PIR: variants seen among roughly 807,000 people sequenced by gnomAD.
The protein encoded by PIR is pirin, also known as pirin (iron-binding nuclear protein).
Under a neutral mutation model 24.2 loss-of-function variants are expected in PIR, and 22 were observed. The observed-to-expected ratio is 0.91, with a 90% CI of 0.65 to 1.30. The LOEUF (loss-of-function observed/expected upper bound fraction) is 1.30. PIR is among the 50% of genes most tolerant of loss of function. The pLI is 0.00. For synonymous variants in PIR, 80 were observed against 79.6 expected (o/e 1.00, Z -0.03); for missense variants, 220 against 220.3 (o/e 1.00, Z 0.01).
intron 6 of PIR, among the ~76,000 whole-genome samples, chrX:15,424,505 T>C (rs1396297087): frequency 8.9e-6 from 1 of 112,105 alleles, no homozygotes; most frequent in East Asian, 2.8e-4. Context: ...GGACGACTAT[T>C]GTTTACAACA....
At position 15,419,589 on chromosome X, in the gene PIR, T is replaced by C. The variant is rs905320037; in HGVS notation, c.565+6317A>G. ...TGTGCAATTCTAAGCTATTTCCTGT[T>C]GTATCCCTATAAAAATGTTTTTGAG... On this transcript the variant is annotated intron_variant, in intron 6 of 9. Transcript: ENST00000380420. 2.5e-4 allele frequency among the ~76,000 whole-genome samples: 28 copies of C among 111,640 alleles called. No individual in the cohort carries two copies. The Admixed American group carries it at 2.7e-3, about 11-fold the overall frequency.
chrX:15,400,773 GTCTC>G (rs1466121305), intron 7 of PIR, among the ~76,000 whole-genome samples: 3 of 37,732 alleles, frequency 8.0e-5, no homozygotes. Flanking sequence ...TTGAGATGGA[GTCTC>G]TCTGTGTTGC....
chrX:15,446,075 C>T (rs940536100), intron 5 of PIR, among the ~76,000 whole-genome samples: 3 of 110,080 alleles, frequency 2.7e-5, no homozygotes, highest in Non-Finnish European at 3.8e-5. Flanking sequence ...GTGATCCACC[C>T]GCCTCGGCCT....
At chrX:15,478,014 TC>T (rs34780784) in intron 3 of PIR, among the ~76,000 whole-genome samples, 1,061 of 77,581 alleles carry the variant, frequency 0.014, 8 homozygotes, top group African/African-American at 0.025. Context: ...TATAAAGTAT[TC>T]CCCCCCCCCC....
chrX:15,479,599 T>A (rs1180486765), intron 3 of PIR, 130 bp downstream of exon 3: 4 of 343,121 alleles, frequency 1.2e-5, no homozygotes, highest in African/African-American at 8.1e-5. Context: ...GTATATCTTA[T>A]GTAAAATAGC....
At chrX:15,420,966 T>C (rs2147027556) in intron 6 of PIR, among the ~76,000 whole-genome samples, 1 of 112,045 alleles carries the variant, frequency 8.9e-6, no homozygotes, top group South Asian at 3.7e-4. Flanking sequence ...CAAAATAACC[T>C]GATATTTGCA....
intron 6 of PIR, among the ~76,000 whole-genome samples, chrX:15,423,271 A>T (rs1376780432): frequency 2.7e-5 from 3 of 112,270 alleles, no homozygotes; most frequent in African/African-American, 9.7e-5. Context: ...GCAAAAATAG[A>T]CAAATGATAT....
chrX:15,419,726 T>C (rs1488543979), intron 6 of PIR, among the ~76,000 whole-genome samples: 2 of 108,630 alleles, frequency 1.8e-5, no homozygotes, highest in Non-Finnish European at 3.8e-5. Context: ...TGAAACCCCA[T>C]CTCAACTAAA....
intron 9 of PIR, among the ~76,000 whole-genome samples, chrX:15,386,417 A>T (rs944392597): frequency 9.8e-5 from 11 of 112,107 alleles, no homozygotes; most frequent in African/African-American, 3.6e-4. Flanking sequence ...TTACCTATCT[A>T]TTATGTACTG....
intron 3 of PIR, chrX:15,464,489 G>A (rs1921455962): frequency 1.5e-6 from 1 of 676,252 alleles, no homozygotes; most frequent in African/African-American, 2.4e-5. Context: ...TAGGTGAACT[G>A]GGGCTGGATA....
At chrX:15,456,393 A>C (rs1159584209) in intron 4 of PIR, among the ~76,000 whole-genome samples, 1 of 112,207 alleles carries the variant, frequency 8.9e-6, no homozygotes, top group African/African-American at 3.2e-5. Context: ...AGGAGATACA[A>C]CTTAAGTAGT....
At position 15,484,765 on chromosome X, in the gene PIR, G is replaced by T. The variant is rs559852111; in HGVS notation, c.97-4944C>A. The stretch of plus-strand genomic sequence containing the variant: ...TTGTTATAAAGTGGCAAATAACTTG[G>T]CTGAACTGTGTTCATATCCTAGTGT... On this transcript the variant is annotated intron_variant, in intron 2 of 9. Transcript: ENST00000380420. Among the ~76,000 whole-genome samples the T allele has an allele frequency of 3.6e-4, 40 of 112,164 alleles. No individual in the cohort carries two copies. In the South Asian group the frequency reaches 0.014, roughly 39 times the overall value.
At position 15,437,703 on chromosome X, in the gene PIR, G is replaced by A. The variant is rs1925793239; in HGVS notation, c.481-11713C>T. Among the ~76,000 whole-genome samples the A allele has an allele frequency of 2.7e-5, 3 of 112,596 alleles. No homozygotes were observed. In the Admixed American group the frequency reaches 2.8e-4, roughly 11 times the overall value. On this transcript the variant is annotated intron_variant, in intron 5 of 9. Transcript: ENST00000380420. ...CCCAACATCTGCTAGCCAGAAATAAGATAAACTATTACCAGCATCTGCTAG... is the reference window on the plus strand; with the variant it reads ...CCCAACATCTGCTAGCCAGAAATAAAATAAACTATTACCAGCATCTGCTAG...
intron 5 of PIR, among the ~76,000 whole-genome samples, chrX:15,445,415 T>C (rs909474079): frequency 1.8e-5 from 2 of 110,323 alleles, no homozygotes; most frequent in African/African-American, 6.6e-5. Flanking sequence ...GGGATAGCAT[T>C]AGGAGAAATA....
At chrX:15,486,298 C>CAAAAAAA (rs59774013) in intron 2 of PIR, among the ~76,000 whole-genome samples, 8 of 39,680 alleles carry the variant, frequency 2.0e-4, no homozygotes, top group Admixed American at 4.5e-4. Context: ...GACTCTGTCT[C>CAAAAAAA]AAAAAAAAAA....
intron 9 of PIR, among the ~76,000 whole-genome samples, chrX:15,385,934 T>C: frequency 8.9e-6 from 1 of 112,017 alleles, no homozygotes; most frequent in East Asian, 2.8e-4. Context: ...CAAGAAGTCC[T>C]CCCCTAATCT....
chrX:15,397,403 G>C, intron 8 of PIR, 46 bp downstream of exon 8: 1 of 920,120 alleles, frequency 1.1e-6, no homozygotes, highest in Non-Finnish European at 1.6e-6. Flanking sequence ...TTGGAAACCA[G>C]TAGAAAGTAC....
At chrX:15,445,412 C>A (rs1461676835) in intron 5 of PIR, among the ~76,000 whole-genome samples, 1 of 110,712 alleles carries the variant, frequency 9.0e-6, no homozygotes, top group East Asian at 2.8e-4. Flanking sequence ...GGAGGGATAG[C>A]ATTAGGAGAA....
rs1921216131 is a variant in PIR, at chrX:15,459,645, C to T, written c.273+12G>A. ...TACTAAACCACCAGCAATTCCTTGT[C>T]CTTGGCCATACCTGCAAATCTCCTG... On this transcript the variant is annotated intron_variant, in intron 4 of 9. Transcript: ENST00000380420. The T allele has an allele frequency of 1.8e-6, 2 of 1,140,692 alleles. No homozygotes were observed. Among genetic ancestry groups the T allele is most frequent in the South Asian group, 1.8e-5 (1 of 55,143 alleles). The allele number at this position is 1,140,692 out of a possible 1,213,427, so 94.0% of individuals were successfully genotyped here. A position where few individuals can be genotyped will look rare whatever the true frequency, so the allele number is the denominator to read the frequency against.
Sources: gnomAD v4.1 joint callset for allele counts (sites outside exome capture counted in the v4.1 genomes callset) on GRCh38, gnomAD v4.1.1 for gene constraint, MANE v1.5 for transcripts, NCBI Gene and HGNC (gene_info 2026-07-23, HGNC 2026-07-21) for gene names.